MTCL1: variants seen among roughly 807,000 people sequenced by gnomAD.
MTCL1 encodes the protein microtubule cross-linking factor 1.
A neutral mutation model predicts 141.4 loss-of-function variants in MTCL1; 79 were observed. That is an observed-to-expected ratio of 0.56 (90% CI 0.47 to 0.67). The LOEUF is 0.67. Among genes scored for constraint, MTCL1 ranks in the 30% least tolerant of loss-of-function variants. The probability of loss-of-function intolerance (pLI) is 0.00; values close to 1 mark genes in which losing one functional copy is unlikely to be tolerated. For synonymous variants in MTCL1, 914 were observed against 875.8 expected (o/e 1.04, Z -0.77); for missense variants, 2,177 against 2,113.9 (o/e 1.03, Z -0.59).
exon 1 of MTCL1, chr18:8,706,212 T>A: frequency 1.6e-6 from 2 of 1,227,004 alleles, no homozygotes; most frequent in South Asian, 4.1e-5. Context: ...CCCGGATCCC[T>A]GCCGTGACCC....
chr18:8,826,155 C>T lies in MTCL1; in HGVS notation c.4645C>T (p.Gln1549Ter). ...ACATGCCTTAAAGGAGGAGAGGAGG[C>T]AGGCTGCCCACGGGCCCCCGGGTCT... is the stretch of plus-strand genomic sequence containing the variant. Residue 1549 changes from glutamine to a stop codon, truncating the protein, a stop_gained, in exon 15 of 17, where the codon CAG (glutamine) becomes TAG (stop). Coordinates refer to ENST00000359865, the Ensembl canonical transcript of MTCL1. LOFTEE classifies it high-confidence loss of function. 6.2e-7 allele frequency: 1 copy of T among 1,613,174 alleles called. No individual in the cohort carries two copies. The highest frequency in any genetic ancestry group is 8.5e-7 in the Non-Finnish European group (1 of 1,179,764).
At chr18:8,706,036 G>C in exon 1 of MTCL1, 1 of 1,181,538 alleles carries the variant, frequency 8.5e-7, no homozygotes, top group Non-Finnish European at 1.0e-6. Flanking sequence ...TGCCAAGGCT[G>C]CCCTGGGAAG....
exon 1 of MTCL1, chr18:8,706,706 A>T: frequency 6.5e-7 from 1 of 1,545,544 alleles, no homozygotes. Flanking sequence ...GAGAACGACT[A>T]TCTCAAGGTG....
At chr18:8,788,511 A>G (rs1568040202) in intron 7 of MTCL1, among the ~76,000 whole-genome samples, 1 of 152,228 alleles carries the variant, frequency 6.6e-6, no homozygotes, top group African/African-American at 2.4e-5. Flanking sequence ...GGAAAGAGGA[A>G]AGAAGATAAG....
chr18:8,706,470 C>A lies in MTCL1; in HGVS notation c.810C>A (p.Leu270=), dbSNP rs550118237. 26 of 1,264,602 alleles carry A rather than the reference C, an allele frequency of 2.1e-5. No individual in the cohort carries two copies. The African/African-American group carries it at 3.9e-4, about 19-fold the overall frequency. The allele number at this position is 1,264,602 out of a possible 1,614,324, so 78.3% of individuals were successfully genotyped here. ...GCAGCCCCGAGCCCCCAGCGCTCCT[C>A]GCCGCGCCCCTCGCCGCGGGCGCCT... Residue 270 remains leucine, a synonymous_variant, in exon 1 of 14, where the codon CTC becomes CTA. Coordinates refer to the MTCL1 transcript ENST00000306329.
intron 8 of MTCL1, 31 bp downstream of exon 7, chr18:8,793,151 G>A (rs535504234): frequency 9.9e-6 from 16 of 1,609,652 alleles, no homozygotes; most frequent in South Asian, 8.8e-5. Flanking sequence ...CAGCACAACC[G>A]CTTTGTGAAC....
chr18:8,793,530 G>T (rs938630979), intron 8 of MTCL1, among the ~76,000 whole-genome samples: 4 of 152,142 alleles, frequency 2.6e-5, no homozygotes, highest in African/African-American at 9.7e-5. Context: ...GAAAACTGCC[G>T]CAACTTGAGC....
exon 17 of MTCL1, chr18:8,831,696 G>A: frequency 1.3e-6 from 2 of 1,550,408 alleles, no homozygotes; most frequent in Non-Finnish European, 1.7e-6. Context: ...CGTCCCGTTG[G>A]GCCCCACATT....
chr18:8,826,297 T>G, intron 15 of MTCL1, 65 bp downstream of exon 14: 1 of 1,379,134 alleles, frequency 7.3e-7, no homozygotes, highest in Non-Finnish European at 9.7e-7. Flanking sequence ...TGGGGCAGGT[T>G]GGGACTTGGG....
intron 4 of MTCL1, among the ~76,000 whole-genome samples, chr18:8,756,442 T>A (rs573891902): frequency 1.5e-5 from 2 of 137,046 alleles, no homozygotes; most frequent in South Asian, 4.4e-4. Context: ...TATGTATATA[T>A]GTGTATATAT....
chr18:8,785,609 G>C lies in MTCL1; in HGVS notation c.1732-327G>C, dbSNP rs918720694. Reference sequence around the variant, plus strand: ...CTTCACGGGTAGCGTGCTTGCGGTTGAGTTCTGGATTCACGCATCGCCATC... The same window carrying C: ...CTTCACGGGTAGCGTGCTTGCGGTTCAGTTCTGGATTCACGCATCGCCATC... On this transcript the variant is annotated intron_variant, in intron 6 of 16. Transcript: ENST00000359865. 2.0e-5 allele frequency: 6 copies of C among 298,556 alleles called. No individual in the cohort carries two copies. The East Asian group carries it at 3.1e-4, about 15-fold the overall frequency. 18.5% of individuals were successfully genotyped at this position (298,556 alleles called of 1,614,324 possible).
At chr18:8,774,312 G>A (rs2096496708) in intron 4 of MTCL1, among the ~76,000 whole-genome samples, 1 of 151,516 alleles carries the variant, frequency 6.6e-6, no homozygotes, top group Admixed American at 6.6e-5. Context: ...ATGACATCAT[G>A]CTTACAAAAT....
rs775656572 is a variant in MTCL1 at position 8,811,725 on chromosome 18, CAAAT to C, written c.2605-1250_2605-1247del. On this transcript the variant is annotated intron_variant, in intron 11 of 16. Transcript: ENST00000359865. ...AAAGCACTGAGCTGCCATTTCTTCA[CAAAT>C]AAACTGGGAATAAGGATACCTATAC... is the stretch of plus-strand genomic sequence containing the variant. Among the ~76,000 whole-genome samples the C allele has an allele frequency of 3.0e-4, 46 of 152,248 alleles. 1 individual carries two copies. Among genetic ancestry groups the C allele is most frequent in the Admixed American group, 1.0e-3 (16 of 15,298 alleles).
chr18:8,832,481 C>A (rs1425776816), exon 17 of MTCL1: 1 of 152,844 alleles, frequency 6.5e-6, no homozygotes, highest in Non-Finnish European at 1.5e-5. Context: ...CATGTATATA[C>A]CGCTACTGTG....
intron 16 of MTCL1, chr18:8,829,079 C>A: frequency 6.4e-7 from 1 of 1,565,290 alleles, no homozygotes; most frequent in Non-Finnish European, 8.7e-7. Flanking sequence ...GGTACCCTCG[C>A]TCACCCCAAG....
chr18:8,774,858 G>A (rs2096499400), intron 4 of MTCL1, among the ~76,000 whole-genome samples: 1 of 152,164 alleles, frequency 6.6e-6, no homozygotes. Flanking sequence ...TGGAGTCTGT[G>A]AATGGAGGAG....
At chr18:8,786,390 G>T in intron 7 of MTCL1, 1 of 618,936 alleles carries the variant, frequency 1.6e-6, no homozygotes. Flanking sequence ...TGGTGAGTGC[G>T]CAGTGGCTTC....
intron 10 of MTCL1, among the ~76,000 whole-genome samples, chr18:8,799,099 T>C (rs1006464367): frequency 3.9e-5 from 6 of 152,194 alleles, no homozygotes; most frequent in Non-Finnish European, 7.3e-5. Context: ...CAGGGGCAGG[T>C]GGCCACGGGG....
intron 11 of MTCL1, among the ~76,000 whole-genome samples, chr18:8,807,352 G>A (rs191053624): frequency 1.3e-5 from 2 of 152,336 alleles, no homozygotes; most frequent in Admixed American, 1.3e-4. Flanking sequence ...GGACGGCCAG[G>A]CTGAAGCTGT....
Sources: allele counts gnomAD v4.1 joint callset (sites outside exome capture counted in the v4.1 genomes callset), GRCh38; gene constraint gnomAD v4.1.1; transcripts MANE v1.5; gene names NCBI Gene and HGNC (gene_info 2026-07-23, HGNC 2026-07-21).